Variants in ROBO2 observed in about 807,000 individuals in gnomAD.
The protein encoded by ROBO2 is roundabout homolog 2.
A neutral mutation model predicts 160.8 loss-of-function variants in ROBO2; 53 were observed. The ratio of observed to expected loss-of-function variants is 0.33; its 90% CI spans 0.26 to 0.41. The LOEUF (loss-of-function observed/expected upper bound fraction) is 0.41, where lower values mean the gene tolerates loss of function less well. ROBO2 is among the 10% of genes least tolerant of loss of function. The pLI, the probability that ROBO2 is intolerant of heterozygous loss-of-function variation, is 1.00. For synonymous variants in ROBO2, 664 were observed against 611.7 expected, an observed-to-expected ratio of 1.09 and a Z score of -1.26; for missense variants, 1,577 against 1,722.4, an observed-to-expected ratio of 0.92 and a Z score of 1.49.
intron 2 of ROBO2, among the ~76,000 whole-genome samples, chr3:76,197,757 G>A (rs1702330070): frequency 6.6e-6 from 1 of 152,166 alleles, no homozygotes; most frequent in East Asian, 1.9e-4. Context: ...TGTAGTAAGT[G>A]AATGGCCGAA....
intron 2 of ROBO2, among the ~76,000 whole-genome samples, chr3:76,629,644 A>C (rs1042495241): frequency 1.3e-5 from 2 of 152,106 alleles, no homozygotes; most frequent in African/African-American, 4.8e-5. Context: ...ACTGACTCAA[A>C]TGTTAAACCC....
intron 21 of ROBO2, among the ~76,000 whole-genome samples, chr3:77,615,176 G>C (rs1363777782): frequency 2.0e-5 from 3 of 151,316 alleles, no homozygotes; most frequent in African/African-American, 7.3e-5. Context: ...TAAATTAAGA[G>C]TTTTTTTTTA....
chr3:77,484,266 G>C (rs967317627), intron 4 of ROBO2, among the ~76,000 whole-genome samples: 8 of 152,110 alleles, frequency 5.3e-5, no homozygotes, highest in African/African-American at 1.7e-4. Context: ...GTTAAGCTCT[G>C]AAGATCCTGG....
intron 2 of ROBO2, among the ~76,000 whole-genome samples, chr3:76,013,111 A>G (rs2066255637): frequency 1.4e-5 from 2 of 142,822 alleles, no homozygotes; most frequent in Admixed American, 1.4e-4. Context: ...ACGGTGGCTT[A>G]TGCGTGTAAT....
intron 2 of ROBO2, among the ~76,000 whole-genome samples, chr3:76,785,236 A>G (rs1350103938): frequency 6.6e-6 from 1 of 151,270 alleles, no homozygotes; most frequent in Non-Finnish European, 1.5e-5. Context: ...TCAACAGGAA[A>G]CTTAAAGAAA....
At chr3:77,160,523 T>C (rs2078391511) in intron 2 of ROBO2, among the ~76,000 whole-genome samples, 1 of 152,174 alleles carries the variant, frequency 6.6e-6, no homozygotes. Context: ...TATATCCTTA[T>C]AATTATGTCA....
chr3:76,475,127 G>A (rs530273219), intron 2 of ROBO2, among the ~76,000 whole-genome samples: 1 of 151,872 alleles, frequency 6.6e-6, no homozygotes, highest in African/African-American at 2.4e-5. Flanking sequence ...AAAAAAGGGG[G>A]TAATATGAGA....
At chr3:77,530,955 C>A (rs1421338429) in intron 6 of ROBO2, among the ~76,000 whole-genome samples, 1 of 151,842 alleles carries the variant, frequency 6.6e-6, no homozygotes, top group Non-Finnish European at 1.5e-5. Flanking sequence ...CTCTCCCAAG[C>A]CTAAAAATAA....
chr3:76,346,608 G>T (rs1215139467), intron 2 of ROBO2, among the ~76,000 whole-genome samples: 11 of 151,864 alleles, frequency 7.2e-5, no homozygotes, highest in Middle Eastern at 3.4e-3. Context: ...ATATTTTATT[G>T]TCCAGAGCCA....
intron 2 of ROBO2, among the ~76,000 whole-genome samples, chr3:76,003,853 C>A (rs754169393): frequency 1.3e-5 from 2 of 152,066 alleles, no homozygotes; most frequent in African/African-American, 4.8e-5. Flanking sequence ...CACCATTAGT[C>A]GTTAGGAAAA....
At chr3:77,173,319 A>G (rs928900030) in intron 2 of ROBO2, among the ~76,000 whole-genome samples, 1 of 152,290 alleles carries the variant, frequency 6.6e-6, no homozygotes, top group Admixed American at 6.5e-5. Context: ...CGTGTGTTCA[A>G]ATAATTTTTT....
chr3:77,560,965 A>T (rs937284841), intron 9 of ROBO2, among the ~76,000 whole-genome samples: 1 of 152,124 alleles, frequency 6.6e-6, no homozygotes, highest in Admixed American at 6.6e-5. Context: ...AAATGCAAAG[A>T]TTTCTAATGA....
intron 5 of ROBO2, among the ~76,000 whole-genome samples, chr3:77,518,144 AT>A (rs1041112457): frequency 6.6e-6 from 1 of 151,480 alleles, no homozygotes; most frequent in Non-Finnish European, 1.5e-5. Context: ...ATCATATGTT[AT>A]CATATATAGA....
At chr3:77,002,425 C>A (rs1317623095) in intron 2 of ROBO2, among the ~76,000 whole-genome samples, 4 of 128,924 alleles carry the variant, frequency 3.1e-5, no homozygotes, top group Non-Finnish European at 6.4e-5. Context: ...AAATATTCTT[C>A]ATATTTTATC....
intron 1 of ROBO2, among the ~76,000 whole-genome samples, chr3:77,072,113 G>T (rs2149843860): frequency 6.6e-6 from 1 of 152,166 alleles, no homozygotes; most frequent in African/African-American, 2.4e-5. Context: ...GATTCTCAAA[G>T]GAGCGAGAAC....
chr3:76,742,452 GA>G (rs2093817947), intron 2 of ROBO2, among the ~76,000 whole-genome samples: 1 of 152,100 alleles, frequency 6.6e-6, no homozygotes, highest in Admixed American at 6.6e-5. Flanking sequence ...ACACACAACG[GA>G]AAAACAGCAC....
At chr3:77,587,976 G>T (rs187614879) in intron 16 of ROBO2, among the ~76,000 whole-genome samples, 1 of 152,042 alleles carries the variant, frequency 6.6e-6, no homozygotes, top group East Asian at 1.9e-4. Flanking sequence ...TTATCTGAGA[G>T]GCCTAAATTT....
At chr3:77,201,917 A>G (rs1453541366) in intron 2 of ROBO2, among the ~76,000 whole-genome samples, 1 of 152,214 alleles carries the variant, frequency 6.6e-6, no homozygotes, top group East Asian at 1.9e-4. Flanking sequence ...CTTCAAGGAC[A>G]AAACAAGTTA....
intron 24 of ROBO2, among the ~76,000 whole-genome samples, chr3:77,638,898 C>T (rs967127812): frequency 1.4e-5 from 2 of 139,318 alleles, no homozygotes; most frequent in Non-Finnish European, 3.0e-5. Context: ...GCGATCTCAG[C>T]TCACTGTAAC....
Sources: gnomAD v4.1 joint callset for allele counts (sites outside exome capture counted in the v4.1 genomes callset) on GRCh38, gnomAD v4.1.1 for gene constraint, MANE v1.5 for transcripts, NCBI Gene and HGNC (gene_info 2026-07-23, HGNC 2026-07-21) for gene names.